The following MASP2 variants were observed in gnomAD, a reference collection of about 807,000 sequenced individuals.
The protein encoded by MASP2 is mannan-binding lectin serine protease 2.
MASP2 carries 49 observed loss-of-function variants against 57.1 expected under a neutral mutation model. The observed-to-expected ratio is 0.86, with a 90% CI of 0.68 to 1.09. The LOEUF (loss-of-function observed/expected upper bound fraction) is 1.09. MASP2 is among the 50% of genes least tolerant of loss of function. MASP2 has a pLI of 0.00. For missense variants in MASP2, 900 were observed against 874.8 expected (o/e 1.03, Z -0.36); for synonymous variants, 379 against 340.8 (o/e 1.11, Z -1.24).
chr1:11,043,726 C>A (rs370819108), intron 4 of MASP2, among the ~76,000 whole-genome samples, 191 bp from the exon 5 acceptor site: 3 of 152,060 alleles, frequency 2.0e-5, no homozygotes, highest in African/African-American at 7.2e-5. Flanking sequence ...ACGACCCACC[C>A]GATGGCTGAG....
rs372683089 is a variant in MASP2, at chr1:11,027,068, C to T, written c.1878G>A (p.Lys626=). 6.3e-7 allele frequency: 1 copy of T among 1,593,260 alleles called. No homozygotes were observed. The highest frequency in any genetic ancestry group is 8.5e-7 in the Non-Finnish European group (1 of 1,169,742). ...CTCCGCTGTCACCTCTGCAGCTGTC[C>T]TTGCCCCCACTTTCTAAGCCAGCAC... ...MLCAGLESGG[K]DSCRGDSGGA... Residue 626 remains lysine (K), a synonymous_variant, in exon 11 of 11, where the codon AAG becomes AAA. Coordinates refer to ENST00000400897, the MANE Select transcript of MASP2 (RefSeq NM_006610.4).
chr1:11,032,638 G>T (rs1353744037), intron 8 of MASP2, among the ~76,000 whole-genome samples: 1 of 148,826 alleles, frequency 6.7e-6, no homozygotes, highest in African/African-American at 2.5e-5. Context: ...GCTGGTCACG[G>T]TGGCTCACGC....
intron 6 of MASP2, among the ~76,000 whole-genome samples, chr1:11,039,639 GTGGA>G (rs928417707): frequency 1.6e-4 from 23 of 141,192 alleles, no homozygotes; most frequent in African/African-American, 6.1e-4. Flanking sequence ...GGATATATAG[GTGGA>G]TGGGTGGATG....
rs1331072949 is a variant in MASP2 at position 11,033,882 on chromosome 1, G to A, written c.1087+946C>T. 4.6e-5 allele frequency among the ~76,000 whole-genome samples: 7 copies of A among 151,076 alleles called. No homozygotes were observed. The South Asian group carries it at 1.3e-3, about 27-fold the overall frequency. ...CGGGAGGCAGAGGTTGCAGTGAGCC[G>A]AGATTGTCACCGCACTCCAGCCTGG... is the stretch of plus-strand genomic sequence containing the variant. On this transcript the variant is annotated intron_variant, in intron 8 of 10. Coordinates refer to ENST00000400897, the MANE Select transcript of MASP2 (RefSeq NM_006610.4).
rs774989202 is a variant in MASP2, at chr1:11,047,099, AG to A, written c.25del (p.Leu9PhefsTer41). 7.7e-6 allele frequency: 12 copies of A among 1,550,278 alleles called. No individual in the cohort carries two copies. The African/African-American group carries it at 1.6e-4, about 21-fold the overall frequency. On this transcript the variant is annotated frameshift_variant, in exon 2 of 11. Coordinates refer to ENST00000400897, the MANE Select transcript of MASP2 (RefSeq NM_006610.4). LOFTEE classifies it high-confidence loss of function. ...GGGGGTGGCCACCGAGCCACACAGA[AG>A]GCCCAGGAGGGTCAGCAGCCTATGG... MRLLTLLG[L>X]LCGSVATPLG...
intron 4 of MASP2, among the ~76,000 whole-genome samples, chr1:11,044,631 G>C (rs1219075217): frequency 1.3e-5 from 2 of 152,140 alleles, no homozygotes; most frequent in African/African-American, 4.8e-5. Context: ...CCCTCTCCGG[G>C]CCTCAGTGCC....
In MASP2 at chr1:11,042,680, G is replaced by T. The variant is rs185180344; in HGVS notation, c.889+195C>A. Among the ~76,000 whole-genome samples the T allele has an allele frequency of 5.9e-5, 9 of 152,144 alleles. No homozygotes were observed. In the East Asian group the frequency reaches 1.7e-3, roughly 29 times the overall value. ...AAGAATGAGTGGTGGAAGGATGGCT[G>T]GGTGGCTGGCTGGAGGGAGGGACAG... is the stretch of plus-strand genomic sequence containing the variant. On this transcript the variant is annotated intron_variant, in intron 6 of 10. Coordinates refer to ENST00000400897, the MANE Select transcript of MASP2 (RefSeq NM_006610.4).
Position 11,044,299 on chromosome 1 carries a change from G to C in MASP2, c.545-764C>G, listed in dbSNP as rs549428735. On this transcript the variant is annotated intron_variant, in intron 4 of 10. Transcript: ENST00000400897. ...GCTGCTGCCACGGGCGGGGTGTTGG[G>C]CTGGGCTCTATCCCTCAAGGAAGGC... Among the ~76,000 whole-genome samples, 46 of 152,242 alleles carry C rather than the reference G, an allele frequency of 3.0e-4. No homozygotes were observed. In the South Asian group the frequency reaches 7.9e-3, roughly 26 times the overall value.
At chr1:11,041,373 CAGAT>C (rs1638426940) in intron 6 of MASP2, among the ~76,000 whole-genome samples, 1 of 84,732 alleles carries the variant, frequency 1.2e-5, no homozygotes, top group African/African-American at 5.5e-5. Context: ...GAAGAATTGG[CAGAT>C]GGATGGATGG....
intron 2 of MASP2, 56 bp downstream of exon 2, chr1:11,046,835 A>C: frequency 6.5e-7 from 1 of 1,546,908 alleles, no homozygotes; most frequent in Admixed American, 2.0e-5. Flanking sequence ...AACCCTGGCT[A>C]CTCCTTGGGG....
chr1:11,046,449 C>A, intron 3 of MASP2, 107 bp downstream of exon 3: 1 of 1,320,454 alleles, frequency 7.6e-7, no homozygotes, highest in Non-Finnish European at 1.1e-6. Context: ...TCTCCCCTGC[C>A]CTGGGAAAGG....
Position 11,030,219 on chromosome 1 carries a change from C to A in MASP2, c.1254G>T (p.Trp418Cys). The change falls in exon 10 of 11, where the codon TGG (tryptophan) becomes TGT (cysteine). Residue 418 changes from tryptophan to cysteine, a missense_variant. Transcript: ENST00000400897. ...GTGATTTTTCTCCTTTGGAGCTCGT[C>A]CAGAATCCATCAGCCTCACACACAT... Reference protein sequence around the residue: ...GKYVCEADGFWTSSKGEKSLP... With the variant: ...GKYVCEADGFCTSSKGEKSLP... 1 of 1,613,750 alleles carries A rather than the reference C, an allele frequency of 6.2e-7. No individual in the cohort carries two copies. Among genetic ancestry groups the A allele is most frequent in the South Asian group, 1.1e-5 (1 of 91,028 alleles).
chr1:11,031,236 A>G (rs74728572), intron 8 of MASP2, among the ~76,000 whole-genome samples: 1,522 of 150,020 alleles, frequency 0.01, 25 homozygotes, highest in African/African-American at 0.036. Flanking sequence ...TATAAGAAAG[A>G]TCTGCGGCCG....
intron 8 of MASP2, among the ~76,000 whole-genome samples, chr1:11,031,322 G>A (rs1643840387): frequency 1.3e-5 from 2 of 151,654 alleles, no homozygotes; most frequent in Admixed American, 1.3e-4. Flanking sequence ...AGGAGATGGA[G>A]ACCATCCTGG....
At chr1:11,044,700 A>G (rs1052222606) in intron 4 of MASP2, 19 of 1,168,862 alleles carry the variant, frequency 1.6e-5, no homozygotes, top group Non-Finnish European at 1.6e-5. Context: ...GGAGGCTCCC[A>G]CAGACCTGGG....
rs35642467 is a variant in MASP2, at chr1:11,036,510, CAAAAAAAAAAA to C, written c.1008+1172_1008+1182del. Among the ~76,000 whole-genome samples the C allele has an allele frequency of 8.8e-3, 479 of 54,348 alleles. 2 individuals carry two copies. Among genetic ancestry groups the C allele is most frequent in the African/African-American group, 0.026 (423 of 16,152 alleles). The allele number at this position is 54,348 out of a possible 152,430, so 35.7% of individuals were successfully genotyped here. A position where few individuals can be genotyped will look rare whatever the true frequency, so the allele number is the denominator to read the frequency against. On this transcript the variant is annotated intron_variant, in intron 7 of 10. Coordinates refer to ENST00000400897, the MANE Select transcript of MASP2 (RefSeq NM_006610.4). ...TGGGCGACAGAGCGAGACTCCGTCT[CAAAAAAAAAAA>C]AAAAAAAAAAAAAAAACAAAAAAAA...
At chr1:11,028,874 T>C (rs1467861577) in intron 10 of MASP2, among the ~76,000 whole-genome samples, 1 of 138,766 alleles carries the variant, frequency 7.2e-6, no homozygotes, top group Admixed American at 7.2e-5. Context: ...CCACCACACC[T>C]GGCTAATTTT....
intron 6 of MASP2, among the ~76,000 whole-genome samples, chr1:11,040,552 G>A (rs1399627579): frequency 1.3e-5 from 2 of 151,752 alleles, no homozygotes; most frequent in South Asian, 2.1e-4. Context: ...TGGATGGGTG[G>A]GTGGATGGAT....
chr1:11,046,917 G>A lies in MASP2; in HGVS notation c.208C>T (p.His70Tyr), dbSNP rs763695031. The A allele has an allele frequency of 1.5e-5, 23 of 1,572,464 alleles. No individual in the cohort carries two copies. In the South Asian group the frequency reaches 2.4e-4, roughly 17 times the overall value. Residue 70 changes from histidine (H) to tyrosine (Y), a missense_variant, in exon 2 of 11, where the codon CAC becomes TAC. By Grantham distance (83) the His-to-Tyr change is moderately conservative. Coordinates refer to ENST00000400897, the MANE Select transcript of MASP2 (RefSeq NM_006610.4). ...TTGACGAAGTCGTACTCGCAGAGGTGGGAGAGCTCCAGGTCGAAGTGGGTG... is the reference window on the plus strand; with the variant it reads ...TTGACGAAGTCGTACTCGCAGAGGTAGGAGAGCTCCAGGTCGAAGTGGGTG... ...YFTHFDLELS[H>Y]LCEYDFVKLS...
Sources: allele counts gnomAD v4.1 joint callset (sites outside exome capture counted in the v4.1 genomes callset), GRCh38; gene constraint gnomAD v4.1.1; transcripts MANE v1.5; gene names NCBI Gene and HGNC (gene_info 2026-07-23, HGNC 2026-07-21).